Variants in CHD1 observed in about 807,000 individuals in gnomAD.
CHD1 encodes the protein ATP-dependent chromatin remodeler CHD1.
CHD1 carries 36 observed loss-of-function variants against 224.2 expected under a neutral mutation model. That is an observed-to-expected ratio of 0.16 (90% CI 0.12 to 0.21). CHD1 has a LOEUF of 0.21. Among genes scored for constraint, CHD1 ranks in the 10% least tolerant of loss-of-function variants. CHD1 has a pLI of 1.00. For synonymous variants in CHD1, 668 were observed against 658.3 expected (o/e 1.01, Z -0.23); for missense variants, 1,378 against 1,994.8 (o/e 0.69, Z 5.89).
intron 26 of CHD1, 97 bp downstream of exon 26, chr5:98,873,496 A>C (rs1749520026): frequency 3.2e-6 from 3 of 935,198 alleles, no homozygotes; most frequent in Middle Eastern, 2.5e-4. Flanking sequence ...TTTGAGACTG[A>C]TGAATAAATA....
At chr5:98,875,999 A>T (rs1749720639) in intron 24 of CHD1, among the ~76,000 whole-genome samples, 1 of 152,194 alleles carries the variant, frequency 6.6e-6, no homozygotes, top group Non-Finnish European at 1.5e-5. Context: ...TACTTTCAAA[A>T]AGGAAATTAC....
At chr5:98,874,281 A>C (rs1749579171) in intron 25 of CHD1, among the ~76,000 whole-genome samples, 1 of 152,166 alleles carries the variant, frequency 6.6e-6, no homozygotes, top group South Asian at 2.1e-4. Context: ...TGGCCACAAC[A>C]AAGGGCAAAG....
chr5:98,898,604 C>CT, intron 9 of CHD1, 60 bp downstream of exon 9: 1 of 1,304,900 alleles, frequency 7.7e-7, no homozygotes, highest in Non-Finnish European at 1.1e-6. Context: ...AAACTTATGA[C>CT]TTTTTTCAGA....
chr5:98,869,633 C>CAA, intron 30 of CHD1, 121 bp downstream of exon 30: 7 of 911,602 alleles, frequency 7.7e-6, no homozygotes, highest in Non-Finnish European at 1.2e-5. Context: ...CACACACACA[C>CAA]ACACACACAC....
In CHD1 at chr5:98,896,308, G is replaced by T. The variant is rs1429523215; in HGVS notation, c.1628C>A (p.Thr543Asn). 6.2e-7 allele frequency: 1 copy of T among 1,614,102 alleles called. No individual in the cohort carries two copies. Among genetic ancestry groups the T allele is most frequent in the Admixed American group, 1.7e-5 (1 of 60,024 alleles). ...AGTCTGAATTTCCCTTTGCCAGGAA[G>T]TAAGAGTGGAGAGCGGTACTACCAA... ...FLLVVPLSTL[T>N]SWQREIQTWA... is the part of the protein sequence containing the mutation. The change falls in exon 12 of 36, where the codon ACT becomes AAT. Residue 543 changes from threonine (T) to asparagine (N), a missense_variant. Physicochemically the swap from Thr to Asn is moderately conservative, Grantham distance 65. Transcript: ENST00000614616.
chr5:98,911,756 C>A lies in CHD1; in HGVS notation c.54-6658G>T, dbSNP rs145479625. 9.9e-5 allele frequency among the ~76,000 whole-genome samples: 15 copies of A among 152,156 alleles called. No homozygotes were observed. In the East Asian group the frequency reaches 2.7e-3, roughly 27 times the overall value. ...ATGATAAGTGAATACCAGAAAAACCCAAATTGAGAAATATATTCTATAAAA... is the reference window on the plus strand; with the variant it reads ...ATGATAAGTGAATACCAGAAAAACCAAAATTGAGAAATATATTCTATAAAA... On this transcript the variant is annotated intron_variant, in intron 2 of 35. Coordinates refer to ENST00000614616, the MANE Select transcript of CHD1 (RefSeq NM_001270.4).
At position 98,876,695 on chromosome 5, in the gene CHD1, G is replaced by A. The variant is rs752662015; in HGVS notation, c.3238-137C>T. On this transcript the variant is annotated intron_variant, in intron 23 of 35. Coordinates refer to ENST00000614616, the MANE Select transcript of CHD1 (RefSeq NM_001270.4). The stretch of plus-strand genomic sequence containing the variant: ...AAAACATTCCATAAACAAAATTAAA[G>A]AGCAAACAGAGAAAAATATATACCT... 3.0e-4 allele frequency: 207 copies of A among 700,668 alleles called. 2 individuals are homozygous for A. Among genetic ancestry groups the A allele is most frequent in the Non-Finnish European group, 4.5e-4 (195 of 429,630 alleles). 43.4% of individuals were successfully genotyped at this position (700,668 alleles called of 1,614,324 possible).
chr5:98,884,551 G>C (rs1750506529), intron 18 of CHD1, among the ~76,000 whole-genome samples: 1 of 152,010 alleles, frequency 6.6e-6, no homozygotes, highest in Admixed American at 6.6e-5. Flanking sequence ...TACAAATTTG[G>C]TTCAGTGTAT....
At chr5:98,863,363 T>C (rs1405201580) in intron 32 of CHD1, 45 bp downstream of exon 32, 1 of 1,142,050 alleles carries the variant, frequency 8.8e-7, no homozygotes. Context: ...AAAAAGACAG[T>C]TATATAATAT....
chr5:98,911,146 A>ATCTATATATATATATAT (rs1554081078), intron 2 of CHD1, among the ~76,000 whole-genome samples: 2 of 39,132 alleles, frequency 5.1e-5, no homozygotes, highest in South Asian at 1.1e-3. Flanking sequence ...AAAAAAAAAA[A>ATCTATATATATATATAT]ATATATATAT....
At chr5:98,885,849 A>C (rs1750614935) in intron 17 of CHD1, 200 bp from the exon 18 acceptor site, 1 of 528,364 alleles carries the variant, frequency 1.9e-6, no homozygotes, top group Non-Finnish European at 3.4e-6. Flanking sequence ...TGCACCCTCA[A>C]GAGTAAATAC....
intron 35 of CHD1, among the ~76,000 whole-genome samples, chr5:98,857,138 GCAGTCTAT>G (rs1352395027): frequency 6.6e-6 from 1 of 152,088 alleles, no homozygotes; most frequent in Non-Finnish European, 1.5e-5. Flanking sequence ...ATGCTAGAAT[GCAGTCTAT>G]GCTGAAAAAT....
In CHD1 at chr5:98,862,848, T is replaced by A. The variant is rs144244298; in HGVS notation, c.4427+560A>T. On this transcript the variant is annotated intron_variant, in intron 32 of 35. Coordinates refer to ENST00000614616, the MANE Select transcript of CHD1 (RefSeq NM_001270.4). ...AGGCTTTCAAATTTTATAGTTCCAGTTAAATGTAAAAGATAGAAGCCAAGC... is the reference window on the plus strand; with the variant it reads ...AGGCTTTCAAATTTTATAGTTCCAGATAAATGTAAAAGATAGAAGCCAAGC... 2.5e-3 allele frequency among the ~76,000 whole-genome samples: 386 copies of A among 152,302 alleles called. 2 individuals carry two copies. Among genetic ancestry groups the A allele is most frequent in the African/African-American group, 8.7e-3 (361 of 41,584 alleles).
Position 98,856,666 on chromosome 5 carries a change from C to T in CHD1, c.4847G>A (p.Arg1616Lys). Residue 1616 changes from arginine to lysine, a missense_variant, in exon 36 of 36, where the codon AGG becomes AAG. Around this residue, in one of 16 missense-constraint regions of CHD1, gnomAD observed 278 missense variants for 298.5 expected, o/e 0.93. Coordinates refer to ENST00000614616, the MANE Select transcript of CHD1 (RefSeq NM_001270.4). ...KLDDHRSRDH[R>K]SNLEGSLKDR... ...TTTTAAACTTCCTTCCAAATTTGAC[C>T]TGTGATCTCTACTCCTGTGATCATC... is the stretch of plus-strand genomic sequence containing the variant. 1 of 1,613,726 alleles carries T rather than the reference C, an allele frequency of 6.2e-7. No individual in the cohort carries two copies. Among genetic ancestry groups the T allele is most frequent in the Non-Finnish European group, 8.5e-7 (1 of 1,179,736 alleles).
intron 18 of CHD1, chr5:98,883,929 C>T (rs1240988906): frequency 6.4e-6 from 1 of 155,376 alleles, no homozygotes; most frequent in Non-Finnish European, 1.2e-5. Flanking sequence ...GCAACCTCCA[C>T]CTCCTAGGTT....
intron 31 of CHD1, among the ~76,000 whole-genome samples, chr5:98,867,697 T>A (rs781285870): frequency 3.3e-5 from 5 of 152,086 alleles, no homozygotes; most frequent in Non-Finnish European, 5.9e-5. Flanking sequence ...AAAAAGTCTT[T>A]CCGAGTTGCT....
intron 2 of CHD1, among the ~76,000 whole-genome samples, chr5:98,917,069 A>G (rs1419329852): frequency 1.3e-5 from 2 of 152,114 alleles, no homozygotes; most frequent in African/African-American, 4.8e-5. Flanking sequence ...TTAGAATGTT[A>G]CTTCACTCTT....
chr5:98,862,640 C>T (rs963817474), intron 32 of CHD1, among the ~76,000 whole-genome samples: 2 of 152,030 alleles, frequency 1.3e-5, no homozygotes, highest in African/African-American at 4.8e-5. Flanking sequence ...ATAAGATGTT[C>T]CTTATTTCTC....
At chr5:98,881,210 CT>C (rs1442081614) in intron 21 of CHD1, 39 bp from the exon 22 acceptor site, 76 of 1,438,426 alleles carry the variant, frequency 5.3e-5, no homozygotes, top group Non-Finnish European at 7.0e-5. Context: ...TACTTGAATC[CT>C]TTCATCCTGT....
Sources: allele counts gnomAD v4.1 joint callset (sites outside exome capture counted in the v4.1 genomes callset), GRCh38; gene constraint gnomAD v4.1.1; regional missense constraint gnomAD v4.1.1; transcripts MANE v1.5; gene names NCBI Gene and HGNC (gene_info 2026-07-23, HGNC 2026-07-21).